RPSA2: variants seen among roughly 807,000 people sequenced by gnomAD.
The protein encoded by RPSA2 is ribosomal protein SA 2, also known as small ribosomal subunit protein uS2B.
At chr19:23,825,441 C>T in the RPSA2 span, among the ~76,000 whole-genome samples, 7 of 152,072 alleles carry the variant, frequency 4.6e-5, no homozygotes, top group African/African-American at 7.2e-5. Flanking sequence ...ATGAGCTATA[C>T]GTCTTTTTCC....
chr19:23,846,995 T>C, the RPSA2 span, among the ~76,000 whole-genome samples: 1 of 152,272 alleles, frequency 6.6e-6, no homozygotes, highest in South Asian at 2.1e-4. Flanking sequence ...AAACTGATAA[T>C]TTTTGTTTAG....
At chr19:23,860,696 T>C in the RPSA2 span, among the ~76,000 whole-genome samples, 1 of 152,162 alleles carries the variant, frequency 6.6e-6, no homozygotes, top group South Asian at 2.1e-4. Context: ...GCTGAAACTC[T>C]CCCAATGTCA....
At chr19:23,787,536 G>T in the RPSA2 span, among the ~76,000 whole-genome samples, 1 of 152,112 alleles carries the variant, frequency 6.6e-6, no homozygotes, top group Non-Finnish European at 1.5e-5. Flanking sequence ...TTGAATTCGG[G>T]AGGTGGAGGT....
the RPSA2 span, among the ~76,000 whole-genome samples, chr19:23,808,545 CTG>C: frequency 7.9e-5 from 12 of 152,080 alleles, no homozygotes; most frequent in Middle Eastern, 3.4e-3. Flanking sequence ...GCGTGAGCCA[CTG>C]CGCCTGACCA....
chr19:23,847,138 TC>T, the RPSA2 span, among the ~76,000 whole-genome samples: 1 of 152,056 alleles, frequency 6.6e-6, no homozygotes, highest in Non-Finnish European at 1.5e-5. Flanking sequence ...CCTGTTTCAG[TC>T]TATTATTGAA....
At chr19:23,836,440 C>T in the RPSA2 span, among the ~76,000 whole-genome samples, 1 of 152,084 alleles carries the variant, frequency 6.6e-6, no homozygotes, top group Admixed American at 6.6e-5. Context: ...TTGGTTGGTT[C>T]CAGAATTTTG....
the RPSA2 span, among the ~76,000 whole-genome samples, chr19:23,859,327 A>G: frequency 6.6e-6 from 1 of 152,176 alleles, no homozygotes; most frequent in Non-Finnish European, 1.5e-5. Flanking sequence ...GGAACATGTT[A>G]TTTAAAAAAA....
chr19:23,779,579 A>G, the RPSA2 span, among the ~76,000 whole-genome samples: 19 of 152,332 alleles, frequency 1.2e-4, no homozygotes, highest in Admixed American at 8.5e-4. Flanking sequence ...ACCCTGTCAG[A>G]AGGAAAGATT....
chr19:23,796,661 T>G, the RPSA2 span, among the ~76,000 whole-genome samples: 2 of 152,102 alleles, frequency 1.3e-5, no homozygotes. Context: ...TTTGATTTCT[T>G]TTTTGTTCAT....
chr19:23,869,501 G>A, the RPSA2 span, among the ~76,000 whole-genome samples: 1 of 152,282 alleles, frequency 6.6e-6, no homozygotes, highest in East Asian at 1.9e-4. Context: ...GGCCCACTGG[G>A]TAGAAAAGAA....
At chr19:23,856,682 G>A in the RPSA2 span, among the ~76,000 whole-genome samples, 6 of 152,096 alleles carry the variant, frequency 3.9e-5, no homozygotes, top group Admixed American at 2.6e-4. Flanking sequence ...CATAATTGTC[G>A]GCCGGTCTGA....
At chr19:23,799,158 T>C in the RPSA2 span, 2 of 152,266 alleles carry the variant, frequency 1.3e-5, no homozygotes, top group Non-Finnish European at 1.5e-5. Flanking sequence ...ATCAATCTTA[T>C]ATCTAATTTC....
the RPSA2 span, among the ~76,000 whole-genome samples, chr19:23,861,573 G>A: frequency 3.9e-5 from 6 of 151,938 alleles, no homozygotes; most frequent in East Asian, 1.9e-4. Flanking sequence ...CTTTTCCACC[G>A]GGCCTCAGTC....
At chr19:23,800,014 G>T in the RPSA2 span, among the ~76,000 whole-genome samples, 1 of 147,936 alleles carries the variant, frequency 6.8e-6, no homozygotes, top group Non-Finnish European at 1.5e-5. Context: ...TGTAATGAAA[G>T]AGTTTTCTTT....
the RPSA2 span, among the ~76,000 whole-genome samples, chr19:23,853,862 A>G: frequency 6.6e-6 from 1 of 152,198 alleles, no homozygotes; most frequent in Non-Finnish European, 1.5e-5. Flanking sequence ...TCCAACACCT[A>G]CTAGTCCCAT....
chr19:23,795,814 C>T, the RPSA2 span, among the ~76,000 whole-genome samples: 1 of 152,148 alleles, frequency 6.6e-6, no homozygotes, highest in Non-Finnish European at 1.5e-5. Context: ...CTCCCTTTGT[C>T]TCCCAGGCTG....
the RPSA2 span, among the ~76,000 whole-genome samples, chr19:23,842,251 T>G: frequency 6.6e-6 from 1 of 152,236 alleles, no homozygotes; most frequent in Non-Finnish European, 1.5e-5. Flanking sequence ...GCTTACTCTG[T>G]ATAATCTAAA....
the RPSA2 span, among the ~76,000 whole-genome samples, chr19:23,793,384 G>T: frequency 6.7e-6 from 1 of 149,826 alleles, no homozygotes; most frequent in East Asian, 1.9e-4. Flanking sequence ...TTTTGAGACT[G>T]AGTTTTGCTC....
the RPSA2 span, among the ~76,000 whole-genome samples, chr19:23,868,038 C>T: frequency 6.6e-6 from 1 of 152,088 alleles, no homozygotes; most frequent in African/African-American, 2.4e-5. Context: ...GAGTCAGTTC[C>T]CGGAATTCAC....
Sources: gnomAD v4.1 joint callset for allele counts (sites outside exome capture counted in the v4.1 genomes callset) on GRCh38, gnomAD v4.1.1 for gene constraint, MANE v1.5 for transcripts, NCBI Gene and HGNC (gene_info 2026-07-23, HGNC 2026-07-21) for gene names.